The following PARP12 variants were observed in gnomAD, a reference collection of about 807,000 sequenced individuals.
The protein encoded by PARP12 is protein mono-ADP-ribosyltransferase PARP12.
PARP12 carries 59 observed loss-of-function variants against 72.4 expected under a neutral mutation model. The ratio of observed to expected loss-of-function variants is 0.81; its 90% CI spans 0.66 to 1.01. PARP12 has a LOEUF of 1.01. PARP12 is among the 50% of genes least tolerant of loss of function. PARP12 has a pLI of 0.00. For missense variants in PARP12, 851 were observed against 914.0 expected, an observed-to-expected ratio of 0.93 and a Z score of 0.89; for synonymous variants, 403 against 371.4, an observed-to-expected ratio of 1.09 and a Z score of -0.98.
chr7:140,062,405 C>G (rs1326061421), intron 1 of PARP12, 117 bp downstream of exon 1: 2 of 1,054,952 alleles, frequency 1.9e-6, no homozygotes. Flanking sequence ...GGTGCGAGGT[C>G]AGGGCAGAGC....
chr7:140,058,015 G>C lies in PARP12; in HGVS notation c.346C>G (p.His116Asp). Residue 116 changes from histidine to aspartate, a missense_variant, in exon 2 of 12, where the codon CAC (histidine) becomes GAC (aspartate). His to Asp is a moderately conservative substitution (Grantham distance 81). This residue lies in a region of PARP12 where 492 missense variants were observed against 489.3 expected (regional missense o/e 1.01). Coordinates refer to ENST00000263549, the MANE Select transcript of PARP12 (RefSeq NM_022750.4). Reference sequence around the variant, plus strand: ...AGGTTGTGTTCGGTTGTCAAGCTGTGACTATTCCTACAGTTCTTCCTGCAA... The same window carrying C: ...AGGTTGTGTTCGGTTGTCAAGCTGTCACTATTCCTACAGTTCTTCCTGCAA... ...LRAGKNCRNS[H>D]SLTTEHNLSV... The C allele has an allele frequency of 6.2e-7, 1 of 1,614,218 alleles. No homozygotes were observed. The highest frequency in any genetic ancestry group is 8.5e-7 in the Non-Finnish European group (1 of 1,180,030).
intron 8 of PARP12, chr7:140,033,452 C>T (rs1816024660): frequency 3.0e-6 from 3 of 985,326 alleles, no homozygotes; most frequent in Middle Eastern, 5.2e-4. Context: ...GTAACACTGC[C>T]TAAAGTCCCA....
At chr7:140,045,790 T>C (rs759390364) in intron 5 of PARP12, among the ~76,000 whole-genome samples, 29 of 152,286 alleles carry the variant, frequency 1.9e-4, no homozygotes, top group Non-Finnish European at 3.5e-4. Flanking sequence ...CAGAAATAAA[T>C]CCAGATCCAC....
intron 7 of PARP12, among the ~76,000 whole-genome samples, chr7:140,035,947 G>C (rs571811910): frequency 2.5e-4 from 25 of 98,756 alleles, no homozygotes; most frequent in African/African-American, 1.1e-3. Context: ...AGGAGGAGGA[G>C]GAGGACGAGG....
chr7:140,034,418 A>C (rs1816072990), intron 7 of PARP12, 87 bp from the exon 8 acceptor site: 2 of 1,141,732 alleles, frequency 1.8e-6, no homozygotes, highest in Non-Finnish European at 2.5e-6. Context: ...CAAATTAGAT[A>C]GATTTGAAAG....
intron 7 of PARP12, 52 bp from the exon 8 acceptor site, chr7:140,034,383 A>G: frequency 7.1e-7 from 1 of 1,409,624 alleles, no homozygotes; most frequent in Non-Finnish European, 9.8e-7. Flanking sequence ...ATACATACAC[A>G]CAGGATGGCA....
At chr7:140,062,113 G>A (rs1224115352) in intron 1 of PARP12, among the ~76,000 whole-genome samples, 1 of 152,186 alleles carries the variant, frequency 6.6e-6, no homozygotes, top group Admixed American at 6.5e-5. Context: ...GTTGAACTGG[G>A]TTTAAAGATC....
At position 140,024,655 on chromosome 7, in the gene PARP12, G is replaced by A; in HGVS notation, c.2011C>T (p.Pro671Ser). ...FVIFEKHQVY[P>S]EYVIQYTTSS... Reference sequence around the variant, plus strand: ...GTGGTGTACTGGATGACATACTCTGGGTAGACCTGGTGTTTCTCAAAGATC... The same window carrying A: ...GTGGTGTACTGGATGACATACTCTGAGTAGACCTGGTGTTTCTCAAAGATC... Residue 671 changes from proline (P) to serine (S), a missense_variant, in exon 12 of 12, where the codon CCA (proline) becomes TCA (serine). Pro to Ser is a moderately conservative substitution (Grantham distance 74). Transcript: ENST00000263549. 1 of 1,614,102 alleles carries A rather than the reference G, an allele frequency of 6.2e-7. No individual in the cohort carries two copies. The highest frequency in any genetic ancestry group is 8.5e-7 in the Non-Finnish European group (1 of 1,180,026).
intron 6 of PARP12, 116 bp from the exon 7 acceptor site, chr7:140,037,972 G>A (rs952162883): frequency 1.4e-6 from 2 of 1,474,926 alleles, no homozygotes; most frequent in Admixed American, 2.3e-5. Flanking sequence ...CTGTGGTGGG[G>A]AAGATGGAGG....
intron 5 of PARP12, among the ~76,000 whole-genome samples, chr7:140,046,614 C>T (rs1816732985): frequency 6.6e-6 from 1 of 152,216 alleles, no homozygotes; most frequent in Non-Finnish European, 1.5e-5. Context: ...CCCCATTGCT[C>T]CTGTCTGAAA....
chr7:140,024,435 A>C lies in PARP12; in HGVS notation c.*125T>G, dbSNP rs1172960381. On this transcript the variant is annotated 3_prime_UTR_variant, in exon 12 of 12. Transcript: ENST00000263549. ...TTATTAGCAAGAGATTAAGAACATA[A>C]CTTCATTGAGAGGTCAATGTTAAGA... 1 of 1,052,884 alleles carries C rather than the reference A, an allele frequency of 9.5e-7. No individual in the cohort carries two copies. The highest frequency in any genetic ancestry group is 1.6e-5 in the African/African-American group (1 of 63,040). The allele number at this position is 1,052,884 out of a possible 1,614,324, so 65.2% of individuals were successfully genotyped here.
intron 8 of PARP12, chr7:140,033,720 G>A: frequency 1.0e-6 from 1 of 989,908 alleles, no homozygotes; most frequent in Non-Finnish European, 1.2e-6. Flanking sequence ...CAGGCCACAG[G>A]CTAACCTGGT....
chr7:140,043,938 G>A (rs554204126), intron 5 of PARP12, among the ~76,000 whole-genome samples: 1 of 152,300 alleles, frequency 6.6e-6, no homozygotes, highest in South Asian at 2.1e-4. Flanking sequence ...GAGCCTGAGA[G>A]GAAGAAATGT....
At position 140,037,740 on chromosome 7, in the gene PARP12, C is replaced by A. The variant is rs751367121; in HGVS notation, c.1299G>T (p.Lys433Asn). Residue 433 changes from lysine (K) to asparagine (N), a missense_variant, in exon 7 of 12, where the codon AAG (lysine) becomes AAT (asparagine). By Grantham distance (94) the Lys-to-Asn change is moderately conservative. Around this residue, in one of 3 missense-constraint regions of PARP12, gnomAD observed 347 missense variants for 396.1 expected, o/e 0.88. Coordinates refer to ENST00000263549, the MANE Select transcript of PARP12 (RefSeq NM_022750.4). ...CTTTGAAATCTAACTCGTAGTTGTG[C>A]TTTCCGGCCTGGAACTTCAAGGTGG... is the stretch of plus-strand genomic sequence containing the variant. ...QAATLKFQAG[K>N]HNYELDFKAF... The A allele has an allele frequency of 1.7e-5, 27 of 1,614,194 alleles. No individual in the cohort carries two copies. Among genetic ancestry groups the A allele is most frequent in the Non-Finnish European group, 2.3e-5 (27 of 1,180,000 alleles).
chr7:140,062,776 G>A lies in PARP12; in HGVS notation c.72C>T (p.Pro24=), dbSNP rs779004641. 2.7e-4 allele frequency: 374 copies of A among 1,401,812 alleles called. No individual in the cohort carries two copies. Among genetic ancestry groups the A allele is most frequent in the Non-Finnish European group, 3.4e-4 (369 of 1,074,072 alleles). The allele number at this position is 1,401,812 out of a possible 1,614,324, so 86.8% of individuals were successfully genotyped here. The change falls in exon 1 of 12, where the codon CCC becomes CCT. Residue 24 remains proline (P), a synonymous_variant. Coordinates refer to ENST00000263549, the MANE Select transcript of PARP12 (RefSeq NM_022750.4). ...CCATCCGCAAGCGGCGCCGCAGCTC[G>A]GGCAACTCCAGGGCGCCCCCGGCCG... ...LCAAGGALEL[P]ELRRRLRMGL...
At chr7:140,033,618 C>T (rs1816031634) in intron 8 of PARP12, 2 of 985,342 alleles carry the variant, frequency 2.0e-6, no homozygotes, top group African/African-American at 1.7e-5. Context: ...TAAAATAACA[C>T]CAGAGGTTGA....
intron 10 of PARP12, 102 bp downstream of exon 10, chr7:140,027,174 C>T (rs1815769276): frequency 1.3e-6 from 2 of 1,485,932 alleles, no homozygotes; most frequent in Non-Finnish European, 9.2e-7. Context: ...GCAGCCCTAA[C>T]TGCCGCTCTG....
chr7:140,056,927 G>A lies in PARP12; in HGVS notation c.689C>T (p.Ala230Val). The A allele has an allele frequency of 1.2e-6, 2 of 1,613,964 alleles. No homozygotes were observed. The highest frequency in any genetic ancestry group is 1.7e-4 in the Middle Eastern group (1 of 5,902). Residue 230 changes from alanine to valine, a missense_variant, in exon 3 of 12, where the codon GCA becomes GTA. Ala to Val is a moderately conservative substitution (Grantham distance 64). This residue lies in a region of PARP12 where 492 missense variants were observed against 489.3 expected (regional missense o/e 1.01). Transcript: ENST00000263549. ...VSRLPTIYRNAHDIKNKSSAP... is the reference protein window; with the variant it reads ...VSRLPTIYRNVHDIKNKSSAP... ...AGAGCTCTTATTCTTGATGTCATGT[G>A]CATTTCTATAAATGGTAGGCAGCCT...
chr7:140,047,891 C>T (rs1323321965), intron 4 of PARP12, among the ~76,000 whole-genome samples: 3 of 152,188 alleles, frequency 2.0e-5, no homozygotes, highest in African/African-American at 7.2e-5. Context: ...GCTGGGATTA[C>T]AAGTGTGAGC....
Sources: allele counts gnomAD v4.1 joint callset (sites outside exome capture counted in the v4.1 genomes callset), GRCh38; gene constraint gnomAD v4.1.1; regional missense constraint gnomAD v4.1.1; transcripts MANE v1.5; gene names NCBI Gene and HGNC (gene_info 2026-07-23, HGNC 2026-07-21).